SERPINB8: variants seen among roughly 807,000 people sequenced by gnomAD.
The protein encoded by SERPINB8 is serpin family B member 8, also known as serpin B8.
SERPINB8 carries 25 observed loss-of-function variants against 35.3 expected under a neutral mutation model. The observed-to-expected ratio is 0.71, with a 90% confidence interval of 0.52 to 0.99. The LOEUF is 0.99. SERPINB8 is among the 50% of genes least tolerant of loss of function. SERPINB8 has a pLI of 0.00. For synonymous variants in SERPINB8, 186 were observed against 160.8 expected (o/e 1.16, Z -1.19); for missense variants, 484 against 446.5 (o/e 1.08, Z -0.76).
At chr18:63,980,203 C>A (rs921650175) in intron 3 of SERPINB8, among the ~76,000 whole-genome samples, 3 of 152,104 alleles carry the variant, frequency 2.0e-5, no homozygotes, top group Admixed American at 1.3e-4. Flanking sequence ...CCTGAGTGAC[C>A]ACATCATTCA....
chr18:64,000,648 G>A (rs1057130861), intron 1 of SERPINB8, among the ~76,000 whole-genome samples: 1 of 152,166 alleles, frequency 6.6e-6, no homozygotes, highest in Non-Finnish European at 1.5e-5. Context: ...TGGGGCAGGG[G>A]CTCTGTTGGG....
At chr18:64,010,648 AAATT>A (rs2050921945), downstream of SERPINB8, among the ~76,000 whole-genome samples, 1 of 152,124 alleles carries the variant, frequency 6.6e-6, no homozygotes, top group African/African-American at 2.4e-5. Flanking sequence ...ACATTATGGA[AAATT>A]AATTAATAAC....
intron 7 of SERPINB8, chr18:64,018,898 A>G (rs1467871323): frequency 6.6e-6 from 1 of 151,290 alleles, no homozygotes; most frequent in Non-Finnish European, 1.5e-5. Flanking sequence ...AATGTCTCTC[A>G]TTTTTTTTTA....
At chr18:63,991,886 G>A (rs1008547142), downstream of SERPINB8, among the ~76,000 whole-genome samples, 2 of 152,138 alleles carry the variant, frequency 1.3e-5, no homozygotes, top group Non-Finnish European at 2.9e-5. Context: ...GTTGGATTCT[G>A]TCAAATGCTT....
intron 5 of SERPINB8, 102 bp from the exon 6 acceptor site, chr18:63,984,991 A>C (rs546592012): frequency 8.9e-7 from 1 of 1,129,260 alleles, no homozygotes; most frequent in East Asian, 2.5e-5. Context: ...AATGTGCAGA[A>C]ACAGTAATTA....
At chr18:63,989,594 C>T (rs1332523539), downstream of SERPINB8, among the ~76,000 whole-genome samples, 2 of 152,118 alleles carry the variant, frequency 1.3e-5, no homozygotes, top group African/African-American at 4.8e-5. Context: ...TTACTTTCAG[C>T]GTGTACCGGC....
chr18:63,991,077 C>A (rs142478791), downstream of SERPINB8, among the ~76,000 whole-genome samples: 28 of 152,308 alleles, frequency 1.8e-4, no homozygotes, highest in East Asian at 5.2e-3. Flanking sequence ...CATTGATCTG[C>A]TTGTCTATCT....
chr18:64,018,125 AC>A (rs2050959039), intron 7 of SERPINB8, among the ~76,000 whole-genome samples: 1 of 152,222 alleles, frequency 6.6e-6, no homozygotes, highest in Non-Finnish European at 1.5e-5. Context: ...ACAAATGACA[AC>A]TTTTTTATTT....
intron 6 of SERPINB8, among the ~76,000 whole-genome samples, 159 bp downstream of exon 6, chr18:63,985,404 C>A (rs1212837633): frequency 6.6e-6 from 1 of 152,136 alleles, no homozygotes; most frequent in East Asian, 1.9e-4. Flanking sequence ...CATGTTCATG[C>A]ATTTCTGTTG....
downstream of SERPINB8, among the ~76,000 whole-genome samples, chr18:63,990,722 T>C (rs1435500986): frequency 6.8e-6 from 1 of 147,528 alleles, no homozygotes; most frequent in Non-Finnish European, 1.5e-5. Flanking sequence ...TGTGTCCATG[T>C]GTTCTCATTG....
chr18:63,972,005 T>C (rs530198242), intron 1 of SERPINB8, among the ~76,000 whole-genome samples: 2 of 152,148 alleles, frequency 1.3e-5, no homozygotes, highest in East Asian at 3.9e-4. Flanking sequence ...TTTCTTTTTT[T>C]TTTTGATATG....
chr18:63,983,593 G>A lies in SERPINB8; in HGVS notation c.439G>A (p.Val147Ile), dbSNP rs1222905787. The change falls in exon 5 of 7, where the codon GTA becomes ATA. Residue 147 changes from valine to isoleucine, a missense_variant. Transcript: ENST00000397985. ...AEKTEGKISEVLDAGTVDPLT... is the reference protein window; with the variant it reads ...AEKTEGKISEILDAGTVDPLT... ...ATTCTTTATAGGTAAGATTTCAGAG[G>A]TACTGGATGCTGGGACAGTCGATCC... 3 of 1,613,754 alleles carry A rather than the reference G, an allele frequency of 1.9e-6. No individual in the cohort carries two copies.
downstream of SERPINB8, among the ~76,000 whole-genome samples, chr18:63,990,337 A>C (rs1006932590): frequency 6.6e-5 from 10 of 151,982 alleles, no homozygotes; most frequent in Non-Finnish European, 1.0e-4. Context: ...TGGCCTCCCA[A>C]AATTCTGGGA....
At chr18:64,012,316 T>G (rs994757168) in intron 7 of SERPINB8, among the ~76,000 whole-genome samples, 2 of 152,176 alleles carry the variant, frequency 1.3e-5, no homozygotes, top group African/African-American at 4.8e-5. Context: ...CATTTTAGCA[T>G]TTATGAAATA....
At chr18:63,995,815 G>A (rs572444270) in intron 1 of SERPINB8, among the ~76,000 whole-genome samples, 7 of 152,332 alleles carry the variant, frequency 4.6e-5, no homozygotes, top group South Asian at 4.1e-4. Context: ...TTGCAAAGAC[G>A]AATGAAAACT....
chr18:63,983,770 A>T, intron 5 of SERPINB8, 49 bp downstream of exon 5: 3 of 1,291,248 alleles, frequency 2.3e-6, no homozygotes, highest in Non-Finnish European at 3.4e-6. Context: ...AAGTAATATT[A>T]CAGGAAATAT....
rs181219750 is a variant in SERPINB8 at position 63,983,456 on chromosome 18, G to A, written c.425-123G>A. ...AACACCATCGCCTAATTCATCAGGG[G>A]CCCAGAAAGACAGAACTCCAGCCTG... On this transcript the variant is annotated intron_variant, in intron 4 of 6. Coordinates refer to ENST00000397985, the MANE Select transcript of SERPINB8 (RefSeq NM_002640.4). 309 of 840,262 alleles carry A rather than the reference G, an allele frequency of 3.7e-4. No homozygotes were observed. The African/African-American group carries it at 3.8e-3, about 10-fold the overall frequency. 52.1% of individuals were successfully genotyped at this position (840,262 alleles called of 1,614,324 possible). A position where few individuals can be genotyped will look rare whatever the true frequency, so the allele number is the denominator to read the frequency against.
chr18:64,014,512 T>C (rs1245906175), intron 7 of SERPINB8, among the ~76,000 whole-genome samples: 2 of 152,162 alleles, frequency 1.3e-5, no homozygotes, highest in Non-Finnish European at 2.9e-5. Flanking sequence ...GCTGAAGACC[T>C]CAGAAGAGAG....
chr18:63,980,081 C>G, intron 3 of SERPINB8, 143 bp downstream of exon 3: 1 of 786,264 alleles, frequency 1.3e-6, no homozygotes, highest in Non-Finnish European at 2.0e-6. Flanking sequence ...TTTATGATGA[C>G]TTCTGAATTA....
Sources: gnomAD v4.1 joint callset for allele counts (sites outside exome capture counted in the v4.1 genomes callset) on GRCh38, gnomAD v4.1.1 for gene constraint, MANE v1.5 for transcripts, NCBI Gene and HGNC (gene_info 2026-07-23, HGNC 2026-07-21) for gene names.